MTUS1: variants seen among roughly 807,000 people sequenced by gnomAD.
The protein encoded by MTUS1 is microtubule associated scaffold protein 1.
In MTUS1, 109 loss-of-function variants were observed where a neutral mutation model predicts 120.8. The ratio of observed to expected loss-of-function variants is 0.90; its 90% confidence interval spans 0.77 to 1.06. The LOEUF is 1.06. Ranked by LOEUF, MTUS1 falls within the 50% of genes least tolerant of loss-of-function variation. The pLI is 0.00. For synonymous variants in MTUS1, 737 were observed against 550.5 expected, an observed-to-expected ratio of 1.34 and a Z score of -4.74; for missense variants, 2,210 against 1,486.3, an observed-to-expected ratio of 1.49 and a Z score of -8.01.
intron 3 of MTUS1, chr8:17,724,175 A>G: frequency 2.1e-6 from 1 of 466,734 alleles, no homozygotes; most frequent in Admixed American, 2.5e-5. Context: ...GAAATAAAAA[A>G]ATAAACAAAT....
At chr8:17,760,700 C>T (rs1477905631) in intron 1 of MTUS1, among the ~76,000 whole-genome samples, 1 of 151,586 alleles carries the variant, frequency 6.6e-6, no homozygotes, top group Non-Finnish European at 1.5e-5. Flanking sequence ...CTTCATATTG[C>T]TGTAGTTGCT....
Position 17,645,499 on chromosome 8 carries a change from C to G in MTUS1, c.*427G>C, listed in dbSNP as rs1163060839. 1 of 169,424 alleles carries G rather than the reference C, an allele frequency of 5.9e-6. No homozygotes were observed. The highest frequency in any genetic ancestry group is 1.3e-5 in the Non-Finnish European group (1 of 79,194). 10.5% of individuals were successfully genotyped at this position (169,424 alleles called of 1,614,324 possible). ...TCAGACACATGACACTCTGTGACAT[C>G]CATTTCATTCACACCCCCCACCCCC... On this transcript the variant is annotated 3_prime_UTR_variant, in exon 15 of 15. Transcript: ENST00000693296.
At chr8:17,682,904 C>G (rs1454642552) in intron 7 of MTUS1, among the ~76,000 whole-genome samples, 2 of 141,574 alleles carry the variant, frequency 1.4e-5, no homozygotes, top group Non-Finnish European at 3.1e-5. Flanking sequence ...TAAGTAGTCT[C>G]CAACTTCCCC....
At chr8:17,748,454 G>T (rs1340949058) in intron 2 of MTUS1, among the ~76,000 whole-genome samples, 4 of 152,142 alleles carry the variant, frequency 2.6e-5, no homozygotes, top group Non-Finnish European at 5.9e-5. Flanking sequence ...CCCAAAAAAG[G>T]TTATCACACT....
intron 6 of MTUS1, among the ~76,000 whole-genome samples, chr8:17,687,617 C>A (rs141478095): frequency 7.2e-5 from 11 of 152,110 alleles, no homozygotes; most frequent in African/African-American, 1.9e-4. Context: ...TAAAATTAAA[C>A]GTCAACTTCT....
intron 7 of MTUS1, among the ~76,000 whole-genome samples, chr8:17,679,211 CACA>C (rs138386213): frequency 0.57 from 80,910 of 140,760 alleles, 22,835 homozygotes; most frequent in Middle Eastern, 0.71. Context: ...CACACACACA[CACA>C]AATACCTATA....
intron 1 of MTUS1, among the ~76,000 whole-genome samples, chr8:17,773,072 G>C (rs2050134064): frequency 6.6e-6 from 1 of 152,140 alleles, no homozygotes; most frequent in Non-Finnish European, 1.5e-5. Flanking sequence ...GTTGGGATGA[G>C]ATGTTAATTT....
intron 3 of MTUS1, among the ~76,000 whole-genome samples, chr8:17,726,088 G>A (rs1049783484): frequency 4.6e-5 from 7 of 152,008 alleles, no homozygotes; most frequent in Non-Finnish European, 5.9e-5. Context: ...CCTTCCGACT[G>A]AACGGCCTCC....
At chr8:17,674,093 GAGA>G (rs1563177738) in intron 8 of MTUS1, among the ~76,000 whole-genome samples, 1 of 152,168 alleles carries the variant, frequency 6.6e-6, no homozygotes, top group Admixed American at 6.5e-5. Context: ...CCAGGGCAGA[GAGA>G]AGAACCCCAA....
chr8:17,780,440 T>G (rs996829215), intron 1 of MTUS1, among the ~76,000 whole-genome samples: 22 of 152,192 alleles, frequency 1.4e-4, no homozygotes, highest in African/African-American at 5.3e-4. Context: ...GCTTCAAGTC[T>G]AAAAGGGAAC....
At chr8:17,712,372 T>G (rs1159788441) in intron 6 of MTUS1, among the ~76,000 whole-genome samples, 2 of 152,024 alleles carry the variant, frequency 1.3e-5, no homozygotes, top group Non-Finnish European at 2.9e-5. Flanking sequence ...GGTCTCACTG[T>G]GTCACCCAGG....
intron 3 of MTUS1, among the ~76,000 whole-genome samples, chr8:17,724,375 G>A (rs901844454): frequency 1.3e-5 from 2 of 152,106 alleles, no homozygotes; most frequent in South Asian, 4.2e-4. Flanking sequence ...AAATTCTCCT[G>A]AGTGGAAAAT....
intron 8 of MTUS1, among the ~76,000 whole-genome samples, chr8:17,662,951 G>A (rs938140081): frequency 1.2e-4 from 19 of 152,058 alleles, no homozygotes; most frequent in Non-Finnish European, 1.5e-5. Flanking sequence ...TAAAATGTAA[G>A]GCCACATTGA....
chr8:17,668,643 G>A (rs1354343132), intron 8 of MTUS1, among the ~76,000 whole-genome samples: 2 of 152,142 alleles, frequency 1.3e-5, no homozygotes, highest in African/African-American at 4.8e-5. Context: ...TTTTCAAGAT[G>A]TGGATTTCAT....
intron 3 of MTUS1, chr8:17,724,253 G>T (rs1332012522): frequency 6.6e-6 from 2 of 303,270 alleles, no homozygotes; most frequent in East Asian, 2.2e-4. Context: ...TATCATATAA[G>T]AAATAAATAA....
intron 10 of MTUS1, chr8:17,654,177 A>G (rs1050789187): frequency 2.8e-5 from 6 of 212,288 alleles, no homozygotes; most frequent in South Asian, 1.2e-4. Context: ...TTTCTATTCA[A>G]TAAGTGGCAT....
intron 8 of MTUS1, among the ~76,000 whole-genome samples, chr8:17,656,424 A>G (rs1049259848): frequency 6.6e-6 from 1 of 151,880 alleles, no homozygotes; most frequent in Non-Finnish European, 1.5e-5. Flanking sequence ...GCTACTCGGG[A>G]GGGTGAGGCA....
intron 1 of MTUS1, among the ~76,000 whole-genome samples, chr8:17,762,608 A>G (rs1245887394): frequency 2.0e-5 from 3 of 152,246 alleles, no homozygotes; most frequent in African/African-American, 4.8e-5. Context: ...GAAGTTGCTT[A>G]AATCAACAGC....
Position 17,755,543 on chromosome 8 carries a change from A to C in MTUS1, c.265T>G (p.Phe89Val), listed in dbSNP as rs2048545994. Reference sequence around the variant, plus strand: ...ATATCTAACACCTGCTTACTAATGAAATCACTAGAAGACTTTTCATGACCA... The same window carrying C: ...ATATCTAACACCTGCTTACTAATGACATCACTAGAAGACTTTTCATGACCA... Reference protein sequence around the residue: ...VFGHEKSSSDFISKQVLDMHK... With the variant: ...VFGHEKSSSDVISKQVLDMHK... The change falls in exon 2 of 15, where the codon TTC (phenylalanine) becomes GTC (valine). Residue 89 changes from phenylalanine to valine, a missense_variant. Coordinates refer to ENST00000693296, the MANE Select transcript of MTUS1 (RefSeq NM_001363059.2). 6.2e-7 allele frequency: 1 copy of C among 1,614,210 alleles called. No individual in the cohort carries two copies. Among genetic ancestry groups the C allele is most frequent in the Non-Finnish European group, 8.5e-7 (1 of 1,180,022 alleles).
Sources: gnomAD v4.1 joint callset for allele counts (sites outside exome capture counted in the v4.1 genomes callset) on GRCh38, gnomAD v4.1.1 for gene constraint, MANE v1.5 for transcripts, NCBI Gene and HGNC (gene_info 2026-07-23, HGNC 2026-07-21) for gene names.